The following ENPP3 variants were observed in gnomAD, a reference collection of about 807,000 sequenced individuals.
The protein encoded by ENPP3 is ectonucleotide pyrophosphatase/phosphodiesterase 3.
ENPP3 carries 104 observed loss-of-function variants against 117.8 expected under a neutral mutation model. The observed-to-expected ratio is 0.88, with a 90% CI of 0.75 to 1.04. ENPP3 has a LOEUF of 1.04. ENPP3 is among the 50% of genes least tolerant of loss of function. ENPP3 has a pLI of 0.00. For missense variants in ENPP3, 1,026 were observed against 1,051.9 expected (o/e 0.98, Z 0.34); for synonymous variants, 380 against 349.9 (o/e 1.09, Z -0.96).
At chr6:131,703,362 TA>T (rs1019943188) in intron 15 of ENPP3, among the ~76,000 whole-genome samples, 2 of 133,834 alleles carry the variant, frequency 1.5e-5, no homozygotes, top group Admixed American at 7.9e-5. Flanking sequence ...TTCTTGAACT[TA>T]AAAAAAGCTA....
intron 20 of ENPP3, among the ~76,000 whole-genome samples, chr6:131,732,710 CATTATTATT>C (rs71030755): frequency 0.014 from 1,780 of 131,730 alleles, 36 homozygotes; most frequent in African/African-American, 0.042. Context: ...TGGCCTAAGA[CATTATTATT>C]ATTATTATTA....
intron 20 of ENPP3, among the ~76,000 whole-genome samples, chr6:131,730,867 A>T (rs1199086360): frequency 6.7e-6 from 1 of 148,758 alleles, no homozygotes; most frequent in East Asian, 2.0e-4. Flanking sequence ...GTGAGCCAAG[A>T]TTGTGCCATT....
chr6:131,642,426 C>T (rs1778066669), intron 2 of ENPP3, among the ~76,000 whole-genome samples: 2 of 152,088 alleles, frequency 1.3e-5, no homozygotes. Flanking sequence ...ATTCCTTTTG[C>T]TATATTTCAT....
intron 15 of ENPP3, among the ~76,000 whole-genome samples, chr6:131,698,240 C>T (rs1006455222): frequency 7.3e-5 from 11 of 150,588 alleles, no homozygotes; most frequent in South Asian, 2.1e-4. Context: ...CACAAAACAC[C>T]GGTGCAAATC....
In ENPP3 at chr6:131,718,747, C is replaced by G. The variant is rs750541359; in HGVS notation, c.1479+9C>G. ...AGTTTAGGAGCATGGAGGTAACTTA[C>G]TGCTTTTTTTTTTAACTTTTATTTT... On this transcript the variant is annotated intron_variant, in intron 16 of 24. Transcript: ENST00000357639. 146 of 1,574,080 alleles carry G rather than the reference C, an allele frequency of 9.3e-5. 1 individual carries two copies. The highest frequency in any genetic ancestry group is 1.2e-4 in the Non-Finnish European group (141 of 1,152,714).
At position 131,659,346 on chromosome 6, in the gene ENPP3, A is replaced by G. The variant is rs1778450843; in HGVS notation, c.562+926A>G. 7.2e-5 allele frequency among the ~76,000 whole-genome samples: 11 copies of G among 152,164 alleles called. No individual in the cohort carries two copies. In the South Asian group the frequency reaches 2.3e-3, roughly 32 times the overall value. On this transcript the variant is annotated intron_variant, in intron 6 of 24. Coordinates refer to ENST00000357639, the MANE Select transcript of ENPP3 (RefSeq NM_005021.5). The stretch of plus-strand genomic sequence containing the variant: ...CAAGGATACAATGCTAAGAAGTGGC[A>G]TAGTTAGTTAGAATCAGAGAGCTAA...
chr6:131,742,184 A>G (rs1372793028), intron 24 of ENPP3, among the ~76,000 whole-genome samples: 6 of 152,184 alleles, frequency 3.9e-5, no homozygotes, highest in African/African-American at 9.6e-5. Context: ...ACAGGAAACT[A>G]TCAGGAGATG....
intron 21 of ENPP3, among the ~76,000 whole-genome samples, chr6:131,736,660 T>A (rs1780404563): frequency 6.6e-6 from 1 of 152,180 alleles, no homozygotes; most frequent in African/African-American, 2.4e-5. Context: ...CAGAAAATTT[T>A]ATTTTGGAAG....
rs535684751 is a variant in ENPP3, at chr6:131,693,135, A to ACC, written c.1285-358_1285-357dup. Among the ~76,000 whole-genome samples, 830 of 147,002 alleles carry ACC rather than the reference A, an allele frequency of 5.6e-3. 7 individuals carry two copies. Among genetic ancestry groups the ACC allele is most frequent in the African/African-American group, 0.017 (697 of 40,066 alleles). On this transcript the variant is annotated intron_variant, in intron 14 of 24. Coordinates refer to ENST00000357639, the MANE Select transcript of ENPP3 (RefSeq NM_005021.5). ...TGGTTATATACACACACACACACAC[A>ACC]CCCCCAGGAATAAAAACTGAAAACA...
At chr6:131,744,899 G>A (rs528568318) in intron 24 of ENPP3, among the ~76,000 whole-genome samples, 7 of 152,062 alleles carry the variant, frequency 4.6e-5, no homozygotes, top group Admixed American at 1.3e-4. Flanking sequence ...TGTTGGCATG[G>A]ACTAGTGCAG....
chr6:131,639,253 A>ATG (rs1201226988), intron 1 of ENPP3, among the ~76,000 whole-genome samples: 1 of 54,974 alleles, frequency 1.8e-5, no homozygotes, highest in African/African-American at 1.2e-4. Context: ...GCTAATATAT[A>ATG]TATATATATA....
chr6:131,647,826 C>A (rs1778181492), intron 2 of ENPP3, among the ~76,000 whole-genome samples: 1 of 151,980 alleles, frequency 6.6e-6, no homozygotes, highest in African/African-American at 2.4e-5. Context: ...GTAATATAAT[C>A]TCATTATTTA....
At chr6:131,643,555 T>G (rs1778095183) in intron 2 of ENPP3, among the ~76,000 whole-genome samples, 2 of 152,140 alleles carry the variant, frequency 1.3e-5, no homozygotes. Context: ...GTCATCCTCT[T>G]TATTACTCAT....
chr6:131,689,050 A>G (rs1030224106), intron 14 of ENPP3, among the ~76,000 whole-genome samples: 2 of 152,126 alleles, frequency 1.3e-5, no homozygotes, highest in Non-Finnish European at 2.9e-5. Context: ...TGGGCAACAG[A>G]GTGAGACTCT....
chr6:131,676,911 C>T (rs1205217942), intron 10 of ENPP3, 110 bp downstream of exon 10: 22 of 692,038 alleles, frequency 3.2e-5, no homozygotes, highest in South Asian at 7.1e-5. Context: ...TTCGAAACGA[C>T]GTGGCATTGC....
At chr6:131,684,273 G>T (rs1779099874) in intron 12 of ENPP3, among the ~76,000 whole-genome samples, 1 of 152,174 alleles carries the variant, frequency 6.6e-6, no homozygotes, top group Non-Finnish European at 1.5e-5. Flanking sequence ...GGGAAACATA[G>T]TAATGTATTT....
At chr6:131,691,226 T>G (rs1779269651) in intron 14 of ENPP3, among the ~76,000 whole-genome samples, 1 of 152,154 alleles carries the variant, frequency 6.6e-6, no homozygotes. Flanking sequence ...AAGCATGAAG[T>G]GGCAACTTTT....
At chr6:131,671,086 A>T (rs1322714304) in intron 6 of ENPP3, among the ~76,000 whole-genome samples, 162 bp from the exon 7 acceptor site, 2 of 152,200 alleles carry the variant, frequency 1.3e-5, no homozygotes, top group Non-Finnish European at 2.9e-5. Context: ...ATTCCCTGGA[A>T]TGGAGGAAGC....
chr6:131,678,099 G>T (rs1778911322), intron 11 of ENPP3, among the ~76,000 whole-genome samples, 159 bp downstream of exon 11: 1 of 152,176 alleles, frequency 6.6e-6, no homozygotes, highest in Admixed American at 6.5e-5. Flanking sequence ...GGATGCCATG[G>T]TTCAACTGCC....
Sources: gnomAD v4.1 joint callset for allele counts (sites outside exome capture counted in the v4.1 genomes callset) on GRCh38, gnomAD v4.1.1 for gene constraint, MANE v1.5 for transcripts, NCBI Gene and HGNC (gene_info 2026-07-23, HGNC 2026-07-21) for gene names.